IGSF21: variants seen among roughly 807,000 people sequenced by gnomAD.
IGSF21 encodes the protein immunoglobin superfamily member 21.
IGSF21 carries 28 observed loss-of-function variants against 46.8 expected under a neutral mutation model. The ratio of observed to expected loss-of-function variants is 0.60; its 90% confidence interval spans 0.44 to 0.82. The LOEUF is 0.82. IGSF21 is among the 40% of genes least tolerant of loss of function. IGSF21 has a pLI of 0.00. For missense variants in IGSF21, 624 were observed against 665.5 expected (o/e 0.94, Z 0.69); for synonymous variants, 284 against 273.6 (o/e 1.04, Z -0.38).
Position 18,364,668 on chromosome 1 carries a change from G to A in IGSF21, c.541-555G>A, listed in dbSNP as rs533184127. The stretch of plus-strand genomic sequence containing the variant: ...AGATGTTTGCTCTCACCTCATCCCC[G>A]CACCTAGCTTCCTCCCACACATGCA... On this transcript the variant is annotated intron_variant, in intron 5 of 9. Transcript: ENST00000251296. 8.5e-5 allele frequency among the ~76,000 whole-genome samples: 13 copies of A among 152,112 alleles called. No individual in the cohort carries two copies. The South Asian group carries it at 2.1e-3, about 24-fold the overall frequency.
chr1:18,347,502 C>T (rs915203946), intron 4 of IGSF21, among the ~76,000 whole-genome samples: 2 of 152,218 alleles, frequency 1.3e-5, no homozygotes, highest in Non-Finnish European at 2.9e-5. Context: ...GGATCAAGGG[C>T]CTCCCAACAG....
At chr1:18,229,623 G>T (rs1467910525) in intron 2 of IGSF21, among the ~76,000 whole-genome samples, 2 of 152,162 alleles carry the variant, frequency 1.3e-5, no homozygotes, top group Non-Finnish European at 2.9e-5. Context: ...GGTAGCCTGG[G>T]CTTCACAGGT....
intron 1 of IGSF21, among the ~76,000 whole-genome samples, chr1:18,177,533 A>AT (rs1052614430): frequency 4.6e-5 from 7 of 150,796 alleles, no homozygotes; most frequent in Non-Finnish European, 8.9e-5. Context: ...CTCTCTGATG[A>AT]TTTTTTTTTC....
intron 1 of IGSF21, among the ~76,000 whole-genome samples, chr1:18,200,140 G>A (rs1343506073): frequency 2.0e-5 from 3 of 152,166 alleles, no homozygotes; most frequent in East Asian, 3.9e-4. Flanking sequence ...GGGCTCTTGC[G>A]TCTTCCCAAC....
chr1:18,150,900 A>C (rs10907334), intron 1 of IGSF21, among the ~76,000 whole-genome samples: 90,265 of 152,108 alleles, frequency 0.59, 27,371 homozygotes, highest in Non-Finnish European at 0.66. Flanking sequence ...GGGCGGCCCT[A>C]GCCCCAAATC....
At chr1:18,263,272 G>T (rs773416896) in intron 2 of IGSF21, among the ~76,000 whole-genome samples, 2 of 152,132 alleles carry the variant, frequency 1.3e-5, no homozygotes, top group Non-Finnish European at 2.9e-5. Context: ...GACTCTTACT[G>T]CCTGGGAGCC....
chr1:18,189,882 CT>C (rs144963870), intron 1 of IGSF21, among the ~76,000 whole-genome samples: 5,102 of 152,270 alleles, frequency 0.034, 271 homozygotes, highest in African/African-American at 0.11. Context: ...GCCCTGGAGC[CT>C]TTACCCTTAG....
At chr1:18,183,314 C>T (rs1450536307) in intron 1 of IGSF21, among the ~76,000 whole-genome samples, 1 of 152,218 alleles carries the variant, frequency 6.6e-6, no homozygotes, top group East Asian at 1.9e-4. Context: ...TCTTCCTTTC[C>T]ATTAAGTTGT....
chr1:18,179,065 C>T (rs927089352), intron 1 of IGSF21: 2 of 152,294 alleles, frequency 1.3e-5, no homozygotes, highest in Admixed American at 6.5e-5. Flanking sequence ...TAGATGGAGG[C>T]AGCAGGTGTC....
chr1:18,290,423 C>A lies in IGSF21; in HGVS notation c.184-1443C>A, dbSNP rs757231550. On this transcript the variant is annotated intron_variant, in intron 2 of 9. Transcript: ENST00000251296. The surrounding 1 kb of genome is among the most constrained non-coding windows in gnomAD (Gnocchi z 4.2). The stretch of plus-strand genomic sequence containing the variant: ...GCCGTGCCCTGGGAAGTCTCACTGC[C>A]GCTTCCTCTCAGGGTCCCAGAGCCT... 6.6e-6 allele frequency among the ~76,000 whole-genome samples: 1 copy of A among 152,130 alleles called. No homozygotes were observed. The highest frequency in any genetic ancestry group is 2.1e-4 in the South Asian group (1 of 4,818).
intron 1 of IGSF21, among the ~76,000 whole-genome samples, chr1:18,199,636 C>A (rs1363205135): frequency 6.6e-6 from 1 of 152,124 alleles, no homozygotes; most frequent in Non-Finnish European, 1.5e-5. Context: ...TCGGTGGCTG[C>A]GGTAATAGAG....
intron 4 of IGSF21, among the ~76,000 whole-genome samples, chr1:18,339,254 C>T (rs1433764745): frequency 6.6e-6 from 1 of 152,184 alleles, no homozygotes; most frequent in African/African-American, 2.4e-5. Flanking sequence ...AGGAGCGGGG[C>T]GTCCCACCTG....
intron 1 of IGSF21, among the ~76,000 whole-genome samples, chr1:18,120,584 G>A (rs949396600): frequency 3.3e-5 from 5 of 152,302 alleles, no homozygotes; most frequent in Middle Eastern, 3.4e-3. Context: ...GGGTTGTGGC[G>A]ATGGTGCAAT....
In IGSF21 at chr1:18,176,955, C is replaced by T. The variant is rs542587952; in HGVS notation, c.71-50943C>T. Among the ~76,000 whole-genome samples the T allele has an allele frequency of 1.9e-4, 29 of 152,258 alleles. 1 individual carries two copies. Among genetic ancestry groups the T allele is most frequent in the South Asian group, 1.0e-3 (5 of 4,824 alleles). On this transcript the variant is annotated intron_variant, in intron 1 of 9. Transcript: ENST00000251296. Reference sequence around the variant, plus strand: ...CTGGGCACTTGACATACAGCGCTTCCTATAATTTTTCTGGATGTATTTGAG... The same window carrying T: ...CTGGGCACTTGACATACAGCGCTTCTTATAATTTTTCTGGATGTATTTGAG...
At chr1:18,142,955 G>A (rs2124426759) in intron 1 of IGSF21, among the ~76,000 whole-genome samples, 1 of 152,326 alleles carries the variant, frequency 6.6e-6, no homozygotes, top group South Asian at 2.1e-4. Flanking sequence ...ACCAGAGGCT[G>A]TGGTCACATG....
intron 1 of IGSF21, among the ~76,000 whole-genome samples, chr1:18,148,421 C>T (rs1029980940): frequency 6.6e-6 from 1 of 152,224 alleles, no homozygotes; most frequent in Admixed American, 6.5e-5. Context: ...CGTGAGCCAC[C>T]ATGCCCGGCC....
chr1:18,311,096 C>T (rs753499858), intron 3 of IGSF21, among the ~76,000 whole-genome samples: 9 of 152,106 alleles, frequency 5.9e-5, no homozygotes, highest in Non-Finnish European at 8.8e-5. Context: ...GAGTGGGGAG[C>T]GCAATTCACC....
intron 1 of IGSF21, among the ~76,000 whole-genome samples, chr1:18,118,221 G>C (rs2086204985): frequency 6.6e-6 from 1 of 152,200 alleles, no homozygotes; most frequent in Non-Finnish European, 1.5e-5. Flanking sequence ...TGATGGGCTT[G>C]TTTGTCACCA....
intron 2 of IGSF21, among the ~76,000 whole-genome samples, chr1:18,237,098 A>G (rs4920309): frequency 0.09 from 13,729 of 152,276 alleles, 780 homozygotes; most frequent in East Asian, 0.22. Context: ...TTACAAGCCC[A>G]CTGTCTTTTC....
Sources: allele counts gnomAD v4.1 joint callset (sites outside exome capture counted in the v4.1 genomes callset), GRCh38; gene constraint gnomAD v4.1.1; non-coding constraint Gnocchi (gnomAD v3.1); transcripts MANE v1.5; gene names NCBI Gene and HGNC (gene_info 2026-07-23, HGNC 2026-07-21).